The following NR3C2 variants were observed in gnomAD, a reference collection of about 807,000 sequenced individuals.
The protein encoded by NR3C2 is mineralocorticoid receptor.
In NR3C2, 15 loss-of-function variants were observed where a neutral mutation model predicts 86.4. That is an observed-to-expected ratio of 0.17 (90% CI 0.12 to 0.27). The LOEUF is 0.27. Among genes scored for constraint, NR3C2 ranks in the 10% least tolerant of loss-of-function variants. The pLI is 1.00. For missense variants in NR3C2, 960 were observed against 1,195.6 expected (o/e 0.80, Z 2.91); for synonymous variants, 458 against 450.5 (o/e 1.02, Z -0.21).
chr4:148,416,387 T>G (rs1748997597), intron 2 of NR3C2, among the ~76,000 whole-genome samples: 1 of 152,208 alleles, frequency 6.6e-6, no homozygotes, highest in Non-Finnish European at 1.5e-5. Context: ...TCTAACTAAC[T>G]CAGTCCTTAT....
At chr4:148,359,105 G>A (rs950153356) in intron 2 of NR3C2, among the ~76,000 whole-genome samples, 5 of 152,062 alleles carry the variant, frequency 3.3e-5, no homozygotes, top group African/African-American at 1.2e-4. Flanking sequence ...GCTAATCTAT[G>A]ATTTTGGTCC....
At chr4:148,278,092 T>TTTTGTTTG (rs149602272) in intron 2 of NR3C2, among the ~76,000 whole-genome samples, 1 of 40,224 alleles carries the variant, frequency 2.5e-5, no homozygotes, top group Non-Finnish European at 4.2e-5. Context: ...CAAGTCTGTT[T>TTTTGTTTG]TTTGTTTGTT....
chr4:148,134,396 T>C (rs1052451929), intron 6 of NR3C2, among the ~76,000 whole-genome samples: 10 of 152,198 alleles, frequency 6.6e-5, no homozygotes, highest in African/African-American at 2.2e-4. Flanking sequence ...ATATTTCTTA[T>C]CCTTTTAATC....
chr4:148,229,981 T>A (rs1473459246), intron 3 of NR3C2, among the ~76,000 whole-genome samples: 1 of 152,156 alleles, frequency 6.6e-6, no homozygotes, highest in African/African-American at 2.4e-5. Context: ...TGATACCAAC[T>A]GTTCACAAGT....
chr4:148,434,705 T>G (rs568847561), intron 2 of NR3C2, among the ~76,000 whole-genome samples: 3 of 152,138 alleles, frequency 2.0e-5, no homozygotes, highest in Non-Finnish European at 2.9e-5. Context: ...AAAAAAGGAC[T>G]AAGACCACAA....
At chr4:148,129,492 G>A (rs769314067) in intron 6 of NR3C2, among the ~76,000 whole-genome samples, 2 of 152,126 alleles carry the variant, frequency 1.3e-5, no homozygotes, top group Non-Finnish European at 2.9e-5. Context: ...GGGTTAGAAG[G>A]CAAATTTTGT....
intron 2 of NR3C2, among the ~76,000 whole-genome samples, chr4:148,431,540 A>G (rs866012329): frequency 1.3e-5 from 2 of 152,278 alleles, no homozygotes; most frequent in African/African-American, 4.8e-5. Context: ...TCCGGCGTCC[A>G]TTCTAAGGGC....
intron 3 of NR3C2, among the ~76,000 whole-genome samples, chr4:148,239,083 T>C (rs1205379074): frequency 6.6e-6 from 1 of 152,144 alleles, no homozygotes; most frequent in African/African-American, 2.4e-5. Flanking sequence ...GAGTGAAAAG[T>C]GATGAAACTA....
chr4:148,434,986 T>C (rs1749965564), intron 2 of NR3C2, 118 bp downstream of exon 2: 3 of 988,550 alleles, frequency 3.0e-6, no homozygotes. Flanking sequence ...GAGCAACATA[T>C]GACCATCCTT....
chr4:148,431,473 C>A (rs770001233), intron 2 of NR3C2, among the ~76,000 whole-genome samples: 1 of 152,090 alleles, frequency 6.6e-6, no homozygotes, highest in Admixed American at 6.6e-5. Flanking sequence ...AGGCTCAGAG[C>A]GGTTTTGTTG....
rs61762834 is a variant in NR3C2, at chr4:148,367,578, T to C, written c.1757+67526A>G. On this transcript the variant is annotated intron_variant, in intron 2 of 8. Transcript: ENST00000358102. ...CTGAAATTTAAGACAGGCTGCTGGA[T>C]TGAATGATGAGACCATCAGATTGAG... is the stretch of plus-strand genomic sequence containing the variant. Among the ~76,000 whole-genome samples the C allele has an allele frequency of 3.6e-3, 546 of 152,266 alleles. 2 individuals are homozygous for C. The highest frequency in any genetic ancestry group is 5.6e-3 in the Non-Finnish European group (381 of 68,002).
intron 2 of NR3C2, among the ~76,000 whole-genome samples, chr4:148,265,305 C>G (rs1579082877): frequency 2.0e-5 from 3 of 152,132 alleles, no homozygotes; most frequent in Admixed American, 2.0e-4. Flanking sequence ...AGGAAATACA[C>G]TAGCCAATCA....
chr4:148,238,553 A>T (rs1355232443), intron 3 of NR3C2, among the ~76,000 whole-genome samples: 1 of 152,124 alleles, frequency 6.6e-6, no homozygotes, highest in Non-Finnish European at 1.5e-5. Flanking sequence ...TCAAAAGATA[A>T]GAAGTTTCCA....
At chr4:148,166,784 G>A (rs1399470785) in intron 4 of NR3C2, among the ~76,000 whole-genome samples, 2 of 151,128 alleles carry the variant, frequency 1.3e-5, no homozygotes, top group African/African-American at 4.9e-5. Context: ...CAATAGACTT[G>A]GATAGAAACA....
intron 3 of NR3C2, among the ~76,000 whole-genome samples, chr4:148,228,997 A>ATGAC (rs1738323036): frequency 6.6e-6 from 1 of 152,230 alleles, no homozygotes; most frequent in South Asian, 2.1e-4. Context: ...GAAAGAGCTG[A>ATGAC]TGACTAGTAG....
At chr4:148,084,087 G>A (rs1280636368) in intron 8 of NR3C2, among the ~76,000 whole-genome samples, 1 of 152,162 alleles carries the variant, frequency 6.6e-6, no homozygotes, top group Non-Finnish European at 1.5e-5. Flanking sequence ...AACCAAGTTG[G>A]AAAACACTCT....
intron 2 of NR3C2, among the ~76,000 whole-genome samples, chr4:148,314,349 G>A (rs1363875591): frequency 1.3e-5 from 2 of 151,986 alleles, no homozygotes. Context: ...TATTTTTTTA[G>A]ATATATAACT....
intron 2 of NR3C2, among the ~76,000 whole-genome samples, chr4:148,433,097 C>T (rs908034740): frequency 6.6e-6 from 1 of 152,072 alleles, no homozygotes; most frequent in Admixed American, 6.6e-5. Flanking sequence ...AGGATAGGCT[C>T]AAGGTCACTA....
intron 2 of NR3C2, among the ~76,000 whole-genome samples, chr4:148,392,134 C>T (rs373869201): frequency 2.2e-4 from 34 of 152,190 alleles, no homozygotes; most frequent in African/African-American, 7.5e-4. Context: ...ATCTATTGAA[C>T]GTACACAGCT....
Sources: gnomAD v4.1 joint callset for allele counts (sites outside exome capture counted in the v4.1 genomes callset) on GRCh38, gnomAD v4.1.1 for gene constraint, MANE v1.5 for transcripts, NCBI Gene and HGNC (gene_info 2026-07-23, HGNC 2026-07-21) for gene names.